NRXN1: variants seen among roughly 807,000 people sequenced by gnomAD.
NRXN1 encodes the protein neurexin 1, also known as neurexin-1.
A neutral mutation model predicts 150.9 loss-of-function variants in NRXN1; 39 were observed. The ratio of observed to expected loss-of-function variants is 0.26; its 90% CI spans 0.20 to 0.34. NRXN1 has a LOEUF of 0.34. NRXN1 is among the 10% of genes least tolerant of loss of function. The probability of loss-of-function intolerance (pLI) is 1.00; values close to 1 mark genes in which losing one functional copy is unlikely to be tolerated. For synonymous variants in NRXN1, 924 were observed against 757.0 expected (o/e 1.22, Z -3.62); for missense variants, 1,815 against 1,949.9 (o/e 0.93, Z 1.30).
chr2:50,892,419 G>A (rs1215007263), intron 5 of NRXN1, among the ~76,000 whole-genome samples: 1 of 152,056 alleles, frequency 6.6e-6, no homozygotes, highest in East Asian at 1.9e-4. Context: ...TTTATATTAT[G>A]TAGCACAATT....
In NRXN1 at chr2:50,451,017, T is replaced by C. The variant is rs559239540; in HGVS notation, c.3364+14425A>G. On this transcript the variant is annotated intron_variant, in intron 17 of 22. Transcript: ENST00000401669. Reference sequence around the variant, plus strand: ...TCGTTTGAGTCAAGGTCTCCCTCTGTTGAGTGCAGTGGCATCATCACTCAC... The same window carrying C: ...TCGTTTGAGTCAAGGTCTCCCTCTGCTGAGTGCAGTGGCATCATCACTCAC... 1.1e-4 allele frequency among the ~76,000 whole-genome samples: 16 copies of C among 152,278 alleles called. No homozygotes were observed. The South Asian group carries it at 1.7e-3, about 16-fold the overall frequency.
At chr2:50,587,637 GA>G (rs1396652049) in intron 8 of NRXN1, among the ~76,000 whole-genome samples, 3 of 152,060 alleles carry the variant, frequency 2.0e-5, no homozygotes, top group South Asian at 2.1e-4. Context: ...TACTTGGAGG[GA>G]AAAAAGTATA....
In NRXN1 at chr2:50,949,750, A is replaced by G. The variant is rs547939885; in HGVS notation, c.773-23795T>C. On this transcript the variant is annotated intron_variant, in intron 2 of 22. Coordinates refer to ENST00000401669, the MANE Select transcript of NRXN1 (RefSeq NM_001330078.2). ...GGAGGTCAAAATAAAAACTTTTCCC[A>G]GAAAGCTTTTACCGGCACAGCCAGA... Among the ~76,000 whole-genome samples, 2 of 152,114 alleles carry G rather than the reference A, an allele frequency of 1.3e-5. 1 individual carries two copies. Among genetic ancestry groups the G allele is most frequent in the South Asian group, 4.1e-4 (2 of 4,832 alleles).
At chr2:50,329,924 G>A (rs540368780) in intron 17 of NRXN1, among the ~76,000 whole-genome samples, 18 of 151,068 alleles carry the variant, frequency 1.2e-4, no homozygotes, top group Admixed American at 1.3e-4. Flanking sequence ...CACCCGCCTC[G>A]GCCTCCAAAA....
In NRXN1 at chr2:50,538,503, C is replaced by T. The variant is rs1259975994; in HGVS notation, c.1893G>A (p.Val631=). ...NKAGLVFPTE[V]WTALLNYGYV... is the part of the protein sequence containing the mutation. The stretch of plus-strand genomic sequence containing the variant: ...AGCCATAGTTGAGCAGAGCAGTCCA[C>T]ACCTCGGTGGGGAAGACAAGGCCAG... The change falls in exon 10 of 23, where the codon GTG becomes GTA. Residue 631 remains valine (V), a synonymous_variant. Coordinates refer to ENST00000401669, the MANE Select transcript of NRXN1 (RefSeq NM_001330078.2). The T allele has an allele frequency of 1.9e-6, 3 of 1,609,924 alleles. No individual in the cohort carries two copies. In the Admixed American group the frequency reaches 5.0e-5, roughly 27 times the overall value.
intron 2 of NRXN1, among the ~76,000 whole-genome samples, chr2:50,981,824 TG>T (rs1696867775): frequency 7.1e-6 from 1 of 140,386 alleles, no homozygotes; most frequent in East Asian, 2.0e-4. Context: ...AAACAATGTG[TG>T]TGTGTGTGTG....
At chr2:50,318,457 C>A (rs562276897) in intron 17 of NRXN1, among the ~76,000 whole-genome samples, 2 of 152,134 alleles carry the variant, frequency 1.3e-5, no homozygotes, top group South Asian at 2.1e-4. Flanking sequence ...TAGAGAAATT[C>A]TTGTGCATGA....
chr2:50,322,234 C>T (rs1395804759), intron 17 of NRXN1, among the ~76,000 whole-genome samples: 4 of 152,004 alleles, frequency 2.6e-5, no homozygotes, highest in African/African-American at 2.4e-5. Flanking sequence ...GTAGGAGTTG[C>T]CTCAAAACAA....
chr2:50,197,004 C>T (rs2061816637), intron 18 of NRXN1, among the ~76,000 whole-genome samples: 1 of 152,126 alleles, frequency 6.6e-6, no homozygotes, highest in Admixed American at 6.6e-5. Context: ...AAGAAACCCC[C>T]ATGGCTTGAG....
At chr2:50,140,125 T>C (rs1408802422) in intron 18 of NRXN1, among the ~76,000 whole-genome samples, 1 of 152,080 alleles carries the variant, frequency 6.6e-6, no homozygotes, top group Non-Finnish European at 1.5e-5. Context: ...AGTGAGCAAA[T>C]GGATTAAAAT....
At chr2:50,238,122 T>C (rs2065647377) in intron 17 of NRXN1, among the ~76,000 whole-genome samples, 1 of 152,048 alleles carries the variant, frequency 6.6e-6, no homozygotes, top group Admixed American at 6.6e-5. Flanking sequence ...AAGTTCTTTA[T>C]AGCAGTGTGA....
intron 17 of NRXN1, among the ~76,000 whole-genome samples, chr2:50,345,064 G>C (rs2077847202): frequency 6.6e-6 from 1 of 152,158 alleles, no homozygotes; most frequent in African/African-American, 2.4e-5. Flanking sequence ...GAGATCACCA[G>C]AAACTCCTTA....
At chr2:50,486,872 G>T (rs1234157293) in intron 15 of NRXN1, among the ~76,000 whole-genome samples, 1 of 152,006 alleles carries the variant, frequency 6.6e-6, no homozygotes, top group Admixed American at 6.6e-5. Flanking sequence ...TCCTTTTTAT[G>T]AACCCTTGAG....
intron 17 of NRXN1, among the ~76,000 whole-genome samples, chr2:50,416,859 C>T (rs1306917718): frequency 6.6e-6 from 1 of 152,138 alleles, no homozygotes; most frequent in Non-Finnish European, 1.5e-5. Flanking sequence ...ATTACAAGAA[C>T]TACAATTAAA....
At chr2:49,994,826 T>G (rs183429118) in intron 21 of NRXN1, among the ~76,000 whole-genome samples, 1 of 152,366 alleles carries the variant, frequency 6.6e-6, no homozygotes, top group African/African-American at 2.4e-5. Flanking sequence ...AGTGAATTTC[T>G]AGAAGTTAAT....
At chr2:50,890,000 T>C (rs1228048348) in intron 5 of NRXN1, among the ~76,000 whole-genome samples, 3 of 151,376 alleles carry the variant, frequency 2.0e-5, no homozygotes, top group African/African-American at 7.2e-5. Flanking sequence ...TTTTTAATAA[T>C]GCTGCATGTT....
At chr2:50,919,876 G>T in intron 5 of NRXN1, 1 of 189,626 alleles carries the variant, frequency 5.3e-6, no homozygotes. Context: ...CAGTCTCACA[G>T]CACTTCCATT....
chr2:49,933,243 C>T (rs759972396), intron 22 of NRXN1, among the ~76,000 whole-genome samples: 4 of 152,016 alleles, frequency 2.6e-5, no homozygotes, highest in South Asian at 2.1e-4. Flanking sequence ...CCTGCCACCA[C>T]GCCCGGCTAA....
At chr2:50,816,258 T>C (rs1462345014) in intron 5 of NRXN1, among the ~76,000 whole-genome samples, 1 of 152,084 alleles carries the variant, frequency 6.6e-6, no homozygotes, top group Non-Finnish European at 1.5e-5. Flanking sequence ...GAGGGTGATG[T>C]TAAATCTTCT....
Sources: allele counts gnomAD v4.1 joint callset (sites outside exome capture counted in the v4.1 genomes callset), GRCh38; gene constraint gnomAD v4.1.1; transcripts MANE v1.5; gene names NCBI Gene and HGNC (gene_info 2026-07-23, HGNC 2026-07-21).